The following HOXB3 variants were observed in gnomAD, a reference collection of about 807,000 sequenced individuals.
The protein encoded by HOXB3 is homeobox B3.
In HOXB3, 17 loss-of-function variants were observed where a neutral mutation model predicts 29.2. That is an observed-to-expected ratio of 0.58 (90% CI 0.40 to 0.87). The LOEUF is 0.87. Ranked by LOEUF, HOXB3 falls within the 40% of genes least tolerant of loss-of-function variation. The probability of loss-of-function intolerance (pLI) is 0.00; values close to 1 mark genes in which losing one functional copy is unlikely to be tolerated. For synonymous variants in HOXB3, 317 were observed against 285.9 expected, an observed-to-expected ratio of 1.11 and a Z score of -1.10; for missense variants, 637 against 616.3, an observed-to-expected ratio of 1.03 and a Z score of -0.35.
intron 2 of HOXB3, among the ~76,000 whole-genome samples, chr17:48,563,951 C>T (rs1371190683): frequency 1.3e-5 from 2 of 151,952 alleles, no homozygotes; most frequent in Non-Finnish European, 2.9e-5. Flanking sequence ...CCTTTCTGAG[C>T]GGGAGGGCTC....
chr17:48,564,909 T>G (rs1379801255), intron 2 of HOXB3, among the ~76,000 whole-genome samples: 1 of 152,220 alleles, frequency 6.6e-6, no homozygotes, highest in African/African-American at 2.4e-5. Flanking sequence ...TTTCTAAAGC[T>G]GCTTAGGCTG....
intron 2 of HOXB3, chr17:48,560,385 C>G (rs1269169416): frequency 9.3e-6 from 1 of 107,930 alleles, no homozygotes; most frequent in South Asian, 3.2e-4. Flanking sequence ...GAGTCTGGGC[C>G]TGCCAGCTCT....
Position 48,549,805 on chromosome 17 carries a change from A to G in HOXB3, c.*529T>C, listed in dbSNP as rs969112316. The G allele has an allele frequency of 1.2e-5, 2 of 161,318 alleles. No homozygotes were observed. Among genetic ancestry groups the G allele is most frequent in the Admixed American group, 1.1e-4 (2 of 17,620 alleles). The allele number at this position is 161,318 out of a possible 1,614,324, so 10.0% of individuals were successfully genotyped here. On this transcript the variant is annotated 3_prime_UTR_variant, in exon 5 of 5. Transcript: ENST00000498678. ...TGTACCTCAATAAACCTCAAATGGG[A>G]ACAAATTTGAGGTTTTGGGAAAGTT...
At chr17:48,567,961 G>A (rs1164025432) in intron 2 of HOXB3, among the ~76,000 whole-genome samples, 3 of 152,012 alleles carry the variant, frequency 2.0e-5, no homozygotes, top group African/African-American at 7.3e-5. Context: ...CCCAATTTGG[G>A]TGATTCCTTT....
intron 1 of HOXB3, chr17:48,575,265 A>G (rs771941332): frequency 3.9e-5 from 6 of 152,220 alleles, no homozygotes; most frequent in Non-Finnish European, 5.9e-5. Flanking sequence ...CAGTCCTTTC[A>G]ATCCATTTTT....
chr17:48,574,093 A>AT, intron 1 of HOXB3, 79 bp from the exon 2 acceptor site: 1 of 554,020 alleles, frequency 1.8e-6, no homozygotes, highest in Non-Finnish European at 3.2e-6. Flanking sequence ...TAATTCTCAC[A>AT]TTTTTCTTAG....
intron 1 of HOXB3, chr17:48,580,408 T>G (rs2069909034): frequency 6.6e-6 from 1 of 150,882 alleles, no homozygotes; most frequent in Admixed American, 6.6e-5. Context: ...AACGAATATC[T>G]AGATATTTTC....
Position 48,550,029 on chromosome 17 carries a change from C to T in HOXB3, c.*305G>A, listed in dbSNP as rs1598745325. The T allele has an allele frequency of 5.6e-6, 2 of 357,568 alleles. No individual in the cohort carries two copies. Among genetic ancestry groups the T allele is most frequent in the Non-Finnish European group, 5.1e-6 (1 of 195,718 alleles). The allele number at this position is 357,568 out of a possible 1,614,324, so 22.1% of individuals were successfully genotyped here. On this transcript the variant is annotated 3_prime_UTR_variant, in exon 5 of 5. Coordinates refer to ENST00000498678, the MANE Select transcript of HOXB3 (RefSeq NM_001384749.1). ...TTCTGCCTCGTCCTGTCTCGTCTTC[C>T]TCTACCCCACTCCCGGGCGTGGAAT...
rs889379983 is a variant in HOXB3, at chr17:48,554,635, T to A, written c.-159+896A>T. ...GCGACAAGCTACCAGCCACCTACGA[T>A]GGCCCAAGGAGGCGAAGAAGAGCAA... is the stretch of plus-strand genomic sequence containing the variant. On this transcript the variant is annotated intron_variant, in intron 3 of 4. Transcript: ENST00000498678. The surrounding 1 kb of genome is among the most constrained non-coding windows in gnomAD (Gnocchi z 4.1). 1.4e-6 allele frequency: 1 copy of A among 702,050 alleles called. No individual in the cohort carries two copies. The highest frequency in any genetic ancestry group is 2.6e-6 in the Non-Finnish European group (1 of 384,744). The allele number at this position is 702,050 out of a possible 1,614,324, so 43.5% of individuals were successfully genotyped here.
intron 1 of HOXB3, chr17:48,576,977 G>T (rs773774380): frequency 1.9e-6 from 3 of 1,611,286 alleles, no homozygotes; most frequent in Admixed American, 1.7e-5. Context: ...GCGTGTAGGC[G>T]GTCCGAGAGC....
chr17:48,582,773 G>GA (rs1048277869), intron 1 of HOXB3, among the ~76,000 whole-genome samples: 4 of 152,210 alleles, frequency 2.6e-5, no homozygotes, highest in African/African-American at 4.8e-5. Context: ...ACCCCCACCC[G>GA]AAAAAAGTCC....
At chr17:48,575,731 G>A (rs1468307375) in intron 1 of HOXB3, 1 of 152,508 alleles carries the variant, frequency 6.6e-6, no homozygotes, top group Non-Finnish European at 1.5e-5. Flanking sequence ...AATAAACTAT[G>A]GGAGAGGGCT....
chr17:48,552,174 T>C lies in HOXB3; in HGVS notation c.301A>G (p.Ser101Gly), dbSNP rs201859969. The change falls in exon 4 of 5, where the codon AGC becomes GGC. Residue 101 changes from serine (S) to glycine (G), a missense_variant. Coordinates refer to ENST00000498678, the MANE Select transcript of HOXB3 (RefSeq NM_001384749.1). Reference sequence around the variant, plus strand: ...GGCCCGCCCCCATTACTGCTGTTGCTAGTGGCACTGGTAGGTGCGGCACTG... The same window carrying C: ...GGCCCGCCCCCATTACTGCTGTTGCCAGTGGCACTGGTAGGTGCGGCACTG... ...PPSAAPTSAT[S>G]NSSNGGGPSK... 50 of 1,613,976 alleles carry C rather than the reference T, an allele frequency of 3.1e-5. No homozygotes were observed. The East Asian group carries it at 1.1e-3, about 36-fold the overall frequency.
chr17:48,552,652 A>G lies in HOXB3; in HGVS notation c.-158-20T>C, dbSNP rs2068810936. 11 of 558,860 alleles carry G rather than the reference A, an allele frequency of 2.0e-5. No homozygotes were observed. Among genetic ancestry groups the G allele is most frequent in the Non-Finnish European group, 2.5e-5 (8 of 317,778 alleles). 34.6% of individuals were successfully genotyped at this position (558,860 alleles called of 1,614,324 possible). ...GCTGACCTGCGAGGCGAGAGAAGAG[A>G]CACAAGGGGGAGAAGAGGACTGGGG... On this transcript the variant is annotated intron_variant, in intron 3 of 4. Coordinates refer to ENST00000498678, the MANE Select transcript of HOXB3 (RefSeq NM_001384749.1).
At chr17:48,570,166 T>G (rs557882489) in intron 2 of HOXB3, among the ~76,000 whole-genome samples, 168 of 152,174 alleles carry the variant, frequency 1.1e-3, no homozygotes, top group African/African-American at 3.8e-3. Flanking sequence ...CAACAAACAA[T>G]GGAGGCTGAT....
intron 1 of HOXB3, among the ~76,000 whole-genome samples, chr17:48,588,005 A>C (rs2070078583): frequency 6.6e-6 from 1 of 152,216 alleles, no homozygotes; most frequent in Admixed American, 6.5e-5. Context: ...AGGGAGAGAA[A>C]GCAGGTGGGA....
rs2068736164 is a variant in HOXB3, at chr17:48,551,368, ACT to A, written c.449-189_449-188del. The stretch of plus-strand genomic sequence containing the variant: ...CCCACCGCCCGTCGCATTAGCGGAC[ACT>A]CTATAATAGTGGCATTTATTAAGAG... On this transcript the variant is annotated intron_variant, in intron 4 of 4. Transcript: ENST00000498678. 9.3e-6 allele frequency: 5 copies of A among 537,052 alleles called. No individual in the cohort carries two copies. In the East Asian group the frequency reaches 1.8e-4, roughly 19 times the overall value. 33.3% of individuals were successfully genotyped at this position (537,052 alleles called of 1,614,324 possible).
At chr17:48,583,708 G>T (rs969004468) in intron 1 of HOXB3, among the ~76,000 whole-genome samples, 1 of 152,208 alleles carries the variant, frequency 6.6e-6, no homozygotes, top group South Asian at 2.1e-4. Context: ...ATTTGCTAAC[G>T]TTCTGTGCTG....
At chr17:48,559,581 C>T (rs9905165) in intron 2 of HOXB3, 79,912 of 152,044 alleles carry the variant, frequency 0.53, 21,370 homozygotes, top group Non-Finnish European at 0.58. Context: ...CCATTTTCCC[C>T]TAAGTATTAA....
Sources: gnomAD v4.1 joint callset for allele counts (sites outside exome capture counted in the v4.1 genomes callset) on GRCh38, gnomAD v4.1.1 for gene constraint, Gnocchi (gnomAD v3.1) non-coding constraint, MANE v1.5 for transcripts, NCBI Gene and HGNC (gene_info 2026-07-23, HGNC 2026-07-21) for gene names.